The following GRM4 variants were observed in gnomAD, a reference collection of about 807,000 sequenced individuals.
GRM4 encodes the protein metabotropic glutamate receptor 4.
GRM4 carries 28 observed loss-of-function variants against 81.7 expected under a neutral mutation model. The observed-to-expected ratio is 0.34, with a 90% CI of 0.25 to 0.47. The LOEUF is 0.47. Ranked by LOEUF, GRM4 falls within the 20% of genes least tolerant of loss-of-function variation. The pLI is 1.00. For synonymous variants in GRM4, 488 were observed against 528.8 expected, an observed-to-expected ratio of 0.92 and a Z score of 1.06; for missense variants, 948 against 1,290.0, an observed-to-expected ratio of 0.73 and a Z score of 4.06.
Position 34,078,102 on chromosome 6 carries a change from A to G in GRM4, c.736+13781T>C, listed in dbSNP as rs774044900. Among the ~76,000 whole-genome samples, 1 of 152,174 alleles carries G rather than the reference A, an allele frequency of 6.6e-6. No individual in the cohort carries two copies. The highest frequency in any genetic ancestry group is 6.5e-5 in the Admixed American group (1 of 15,274). Reference sequence around the variant, plus strand: ...GCCTGCCCTCGTGGAGCTGACATCCATCTATGAAGCCAACAATAGGGATGA... The same window carrying G: ...GCCTGCCCTCGTGGAGCTGACATCCGTCTATGAAGCCAACAATAGGGATGA... On this transcript the variant is annotated intron_variant, in intron 3 of 10. Transcript: ENST00000538487. The surrounding 1 kb of genome is among the most constrained non-coding windows in gnomAD (Gnocchi z 4.8).
chr6:34,140,673 T>C (rs1248434028), intron 1 of GRM4, among the ~76,000 whole-genome samples: 1 of 152,174 alleles, frequency 6.6e-6, no homozygotes, highest in Admixed American at 6.5e-5. Context: ...GCCCCAACCA[T>C]GCAGACCCCC....
chr6:34,123,492 G>T (rs1339840310), intron 2 of GRM4, among the ~76,000 whole-genome samples: 2 of 152,186 alleles, frequency 1.3e-5, no homozygotes, highest in African/African-American at 2.4e-5. Context: ...CCTGCACCTG[G>T]AAAGGTGCAC....
At chr6:34,088,174 G>C (rs1040590326) in intron 3 of GRM4, among the ~76,000 whole-genome samples, 2 of 152,084 alleles carry the variant, frequency 1.3e-5, no homozygotes, top group African/African-American at 2.4e-5. Flanking sequence ...CCAGGTTGGA[G>C]TGCAATGGCG....
intron 3 of GRM4, among the ~76,000 whole-genome samples, chr6:34,084,613 C>T (rs937042): frequency 6.6e-6 from 1 of 152,108 alleles, no homozygotes; most frequent in Non-Finnish European, 1.5e-5. Flanking sequence ...CCAGCGCGAC[C>T]CCAGCACGAC....
chr6:34,062,096 A>G, intron 3 of GRM4, 68 bp from the exon 4 acceptor site: 1 of 1,521,214 alleles, frequency 6.6e-7, no homozygotes, highest in Non-Finnish European at 9.0e-7. Flanking sequence ...CTCTCCCAAC[A>G]TACACTCCGG....
At chr6:34,099,395 G>A (rs1768709984) in intron 2 of GRM4, among the ~76,000 whole-genome samples, 1 of 152,156 alleles carries the variant, frequency 6.6e-6, no homozygotes, top group African/African-American at 2.4e-5. Context: ...AGTAGCTGAT[G>A]TTGCCTGAAC....
chr6:34,117,422 CT>C (rs1561822851), intron 2 of GRM4, among the ~76,000 whole-genome samples: 2 of 152,244 alleles, frequency 1.3e-5, no homozygotes, highest in Non-Finnish European at 2.9e-5. Context: ...CCAGGCCCCC[CT>C]GCCACAAACC....
chr6:34,061,956 C>A lies in GRM4; in HGVS notation c.809G>T (p.Arg270Leu). 9 of 1,613,924 alleles carry A rather than the reference C, an allele frequency of 5.6e-6. No individual in the cohort carries two copies. The highest frequency in any genetic ancestry group is 2.2e-5 in the East Asian group (1 of 44,884). Reference protein sequence around the residue: ...PKAGEFDKIIRRLLETSNARA... With the variant: ...PKAGEFDKIILRLLETSNARA... ...GGCGTTCGAAGTCTCCAGGAGGCGG[C>A]GGATGATCTTGTCGAACTCGCCTGC... The change falls in exon 4 of 11, where the codon CGC becomes CTC. Residue 270 changes from arginine to leucine, a missense_variant. Coordinates refer to ENST00000538487, the MANE Select transcript of GRM4 (RefSeq NM_000841.4).
At chr6:34,123,124 G>C (rs1769882505) in intron 2 of GRM4, among the ~76,000 whole-genome samples, 2 of 152,180 alleles carry the variant, frequency 1.3e-5, no homozygotes, top group Admixed American at 1.3e-4. Context: ...TGGCAGCAGA[G>C]GCAGGCCCCA....
At chr6:34,110,676 C>T (rs1279197745) in intron 2 of GRM4, 3 of 1,498,572 alleles carry the variant, frequency 2.0e-6, no homozygotes, top group Non-Finnish European at 2.7e-6. Context: ...TGACATGTCT[C>T]TCCAGGAGCG....
chr6:34,026,847 A>G (rs1042978648), intron 10 of GRM4, among the ~76,000 whole-genome samples: 3 of 152,166 alleles, frequency 2.0e-5, no homozygotes, highest in Admixed American at 6.5e-5. Flanking sequence ...GGGGAAAAGC[A>G]TATCTGACAG....
chr6:34,110,327 A>AAC (rs1769319037), intron 2 of GRM4, among the ~76,000 whole-genome samples: 2 of 150,372 alleles, frequency 1.3e-5, no homozygotes, highest in Non-Finnish European at 3.0e-5. Context: ...AAAAAAAAAA[A>AAC]AACCCCACAT....
chr6:34,120,339 A>G (rs370221694), intron 2 of GRM4, among the ~76,000 whole-genome samples: 2 of 152,028 alleles, frequency 1.3e-5, no homozygotes, highest in South Asian at 2.1e-4. Flanking sequence ...GTCCTGGCCC[A>G]GGCTGATCAG....
At chr6:34,148,729 G>A (rs903929241), upstream of GRM4, among the ~76,000 whole-genome samples, 1 of 152,202 alleles carries the variant, frequency 6.6e-6, no homozygotes, top group African/African-American at 2.4e-5. Flanking sequence ...ACGTGGGGGA[G>A]CCCCCCAGCC....
rs1581653826 is a variant in GRM4 at position 34,072,376 on chromosome 6, A to G, written c.737-10348T>C. On this transcript the variant is annotated intron_variant, in intron 3 of 10. Coordinates refer to ENST00000538487, the MANE Select transcript of GRM4 (RefSeq NM_000841.4). ...CACACACACATCCTTACATCACCAC[A>G]CAGATACACAGCACACACACACACA... Among the ~76,000 whole-genome samples the G allele has an allele frequency of 2.9e-5, 4 of 137,794 alleles. 1 individual carries two copies. The Admixed American group carries it at 3.2e-4, about 11-fold the overall frequency. The allele number at this position is 137,794 out of a possible 152,430, so 90.4% of individuals were successfully genotyped here. A position where few individuals can be genotyped will look rare whatever the true frequency, so the allele number is the denominator to read the frequency against.
rs371727655 is a variant in GRM4, at chr6:34,036,055, C to T, written c.2055G>A (p.Lys685=). 43 of 1,614,062 alleles carry T rather than the reference C, an allele frequency of 2.7e-5. No individual in the cohort carries two copies. Among genetic ancestry groups the T allele is most frequent in the East Asian group, 4.5e-5 (2 of 44,902 alleles). Reference sequence around the variant, plus strand: ...TGAAGCGTGGGGCACTGACCGAGCGCTTGCCCTGCTCGAAGATGCGGTAGA... The same window carrying T: ...TGAAGCGTGGGGCACTGACCGAGCGTTTGCCCTGCTCGAAGATGCGGTAGA... ...NRIYRIFEQG[K]RSVSAPRFIS... The change falls in exon 9 of 11, where the codon AAG becomes AAA. Residue 685 remains lysine (K), a synonymous_variant. Coordinates refer to ENST00000538487, the MANE Select transcript of GRM4 (RefSeq NM_000841.4). This position sits in a 1 kb window ranked among gnomAD's most constrained non-coding sequence, Gnocchi z 9.0.
At chr6:34,087,108 G>A (rs1187756180) in intron 3 of GRM4, among the ~76,000 whole-genome samples, 1 of 150,408 alleles carries the variant, frequency 6.6e-6, no homozygotes, top group East Asian at 2.0e-4. Context: ...CTGGGCAAGA[G>A]AGTGAGACCC....
chr6:34,091,734 G>A (rs531939509), intron 3 of GRM4, 149 bp downstream of exon 3: 123 of 628,882 alleles, frequency 2.0e-4, no homozygotes, highest in Middle Eastern at 8.5e-4. Context: ...CCAAACCACA[G>A]TGCTCAAAGA....
chr6:34,118,534 G>A lies in GRM4; in HGVS notation c.519+14444C>T, dbSNP rs183187701. Among the ~76,000 whole-genome samples the A allele has an allele frequency of 2.4e-4, 36 of 152,294 alleles. No individual in the cohort carries two copies. In the East Asian group the frequency reaches 4.4e-3, roughly 19 times the overall value. On this transcript the variant is annotated intron_variant, in intron 2 of 10. Coordinates refer to ENST00000538487, the MANE Select transcript of GRM4 (RefSeq NM_000841.4). ...CAGTTTCCTCATCTGTAAAAAAGCC[G>A]TCCTGACCGCGTTGTAGGACTCTTG... is the stretch of plus-strand genomic sequence containing the variant.
Sources: gnomAD v4.1 joint callset for allele counts (sites outside exome capture counted in the v4.1 genomes callset) on GRCh38, gnomAD v4.1.1 for gene constraint, Gnocchi (gnomAD v3.1) non-coding constraint, MANE v1.5 for transcripts, NCBI Gene and HGNC (gene_info 2026-07-23, HGNC 2026-07-21) for gene names.